Variants in GRIK1 observed in about 807,000 individuals in gnomAD.
GRIK1 encodes the protein glutamate ionotropic receptor kainate type subunit 1, also known as glutamate receptor ionotropic, kainate 1.
A neutral mutation model predicts 105.7 loss-of-function variants in GRIK1; 69 were observed. The observed-to-expected ratio is 0.65, with a 90% CI of 0.54 to 0.80. GRIK1 has a LOEUF of 0.80. Ranked by LOEUF, GRIK1 falls within the 30% of genes least tolerant of loss-of-function variation. The probability of loss-of-function intolerance (pLI) is 0.00; values close to 1 mark genes in which losing one functional copy is unlikely to be tolerated. For synonymous variants in GRIK1, 438 were observed against 431.3 expected (o/e 1.02, Z -0.19); for missense variants, 1,109 against 1,167.3 (o/e 0.95, Z 0.73).
At chr21:29,832,258 G>T (rs2067663756) in intron 1 of GRIK1, among the ~76,000 whole-genome samples, 1 of 152,162 alleles carries the variant, frequency 6.6e-6, no homozygotes, top group African/African-American at 2.4e-5. Context: ...GGCTTTTCCA[G>T]GTGTATAATG....
intron 1 of GRIK1, among the ~76,000 whole-genome samples, chr21:29,905,464 G>A (rs2070579026): frequency 6.7e-6 from 1 of 150,190 alleles, no homozygotes; most frequent in African/African-American, 2.4e-5. Context: ...TAATTTATTT[G>A]AGACACAGTT....
chr21:29,620,456 C>T (rs933063019), intron 7 of GRIK1, among the ~76,000 whole-genome samples: 3 of 152,128 alleles, frequency 2.0e-5, no homozygotes, highest in Admixed American at 6.5e-5. Flanking sequence ...TGGCTTGTTT[C>T]CACCATGGCC....
chr21:29,543,307 T>TTAGG (rs2089999867), intron 16 of GRIK1, among the ~76,000 whole-genome samples: 1 of 152,184 alleles, frequency 6.6e-6, no homozygotes, highest in Non-Finnish European at 1.5e-5. Flanking sequence ...AGAATTGTAT[T>TTAGG]TAGGGATTTG....
At position 29,543,817 on chromosome 21, in the gene GRIK1, G is replaced by A. The variant is rs1019444482; in HGVS notation, c.2608-5933C>T. On this transcript the variant is annotated intron_variant, in intron 16 of 17. Coordinates refer to ENST00000327783, the MANE Select transcript of GRIK1 (RefSeq NM_001330994.2). The stretch of plus-strand genomic sequence containing the variant: ...TCTCCACCTGTGACCCAGCAGCCAC[G>A]TCTTGCCTGGCCCGTTTTCTTGCAA... Among the ~76,000 whole-genome samples the A allele has an allele frequency of 6.6e-5, 10 of 152,288 alleles. No homozygotes were observed. In the South Asian group the frequency reaches 1.7e-3, roughly 25 times the overall value.
intron 1 of GRIK1, among the ~76,000 whole-genome samples, chr21:29,894,349 C>T (rs1221519827): frequency 6.6e-6 from 1 of 152,126 alleles, no homozygotes; most frequent in Non-Finnish European, 1.5e-5. Context: ...CCAAGAGCCC[C>T]TGGAAAACCA....
intron 14 of GRIK1, among the ~76,000 whole-genome samples, chr21:29,576,426 T>C (rs1354441089): frequency 6.6e-6 from 1 of 152,228 alleles, no homozygotes; most frequent in Non-Finnish European, 1.5e-5. Context: ...CCTTCATCAA[T>C]GCGGACTCAG....
At chr21:29,791,795 T>C (rs1485177932) in intron 1 of GRIK1, among the ~76,000 whole-genome samples, 1 of 152,164 alleles carries the variant, frequency 6.6e-6, no homozygotes, top group East Asian at 1.9e-4. Context: ...AGAACCAAGA[T>C]GAAATTTGCA....
At position 29,816,390 on chromosome 21, in the gene GRIK1, A is replaced by G. The variant is rs180982938; in HGVS notation, c.119-122327T>C. On this transcript the variant is annotated intron_variant, in intron 1 of 17. Transcript: ENST00000327783. ...AACCATTATAGAAAACAGTATAGCG[A>G]TTTCTCAACAAATTAAAAATAAAAA... Among the ~76,000 whole-genome samples, 493 of 152,146 alleles carry G rather than the reference A, an allele frequency of 3.2e-3. 5 individuals are homozygous for G. Among genetic ancestry groups the G allele is most frequent in the African/African-American group, 0.011 (464 of 41,548 alleles).
chr21:29,635,518 C>T (rs769471083), intron 7 of GRIK1, among the ~76,000 whole-genome samples: 27 of 152,138 alleles, frequency 1.8e-4, no homozygotes, highest in Non-Finnish European at 2.5e-4. Flanking sequence ...AGGTTCACTG[C>T]AGCTGAAGAC....
intron 1 of GRIK1, among the ~76,000 whole-genome samples, chr21:29,883,147 G>T (rs901583984): frequency 1.3e-5 from 2 of 152,038 alleles, no homozygotes; most frequent in African/African-American, 2.4e-5. Flanking sequence ...ATATTTGGAA[G>T]GTAACTTAAC....
At chr21:29,800,724 A>T (rs570144150) in intron 1 of GRIK1, among the ~76,000 whole-genome samples, 2 of 152,362 alleles carry the variant, frequency 1.3e-5, no homozygotes, top group East Asian at 3.9e-4. Flanking sequence ...TGTAGAAAAC[A>T]CAAGAAAGTA....
intron 1 of GRIK1, among the ~76,000 whole-genome samples, chr21:29,871,392 A>C (rs2069007039): frequency 6.6e-6 from 1 of 152,152 alleles, no homozygotes; most frequent in Non-Finnish European, 1.5e-5. Flanking sequence ...TTCTCCACTT[A>C]CTTTATATGT....
chr21:29,888,888 G>T (rs937005397), intron 1 of GRIK1, among the ~76,000 whole-genome samples: 1 of 151,288 alleles, frequency 6.6e-6, no homozygotes, highest in Non-Finnish European at 1.5e-5. Flanking sequence ...TGGTTGTCCT[G>T]GCCTTCCATC....
At chr21:29,823,067 C>T (rs2067349228) in intron 1 of GRIK1, among the ~76,000 whole-genome samples, 1 of 151,916 alleles carries the variant, frequency 6.6e-6, no homozygotes, top group Non-Finnish European at 1.5e-5. Context: ...CTGCTAGTTT[C>T]CTTGCCAATA....
chr21:29,638,209 G>A (rs931043669), intron 7 of GRIK1, among the ~76,000 whole-genome samples: 6 of 151,936 alleles, frequency 3.9e-5, no homozygotes, highest in African/African-American at 1.2e-4. Context: ...GTTCTGCATG[G>A]CTGGGGAGGC....
chr21:29,871,837 C>T (rs963139636), intron 1 of GRIK1, among the ~76,000 whole-genome samples: 1 of 147,678 alleles, frequency 6.8e-6, no homozygotes, highest in African/African-American at 2.5e-5. Context: ...GATCTCAGCT[C>T]ACTGCAGCCT....
chr21:29,901,332 C>A (rs1182785528), intron 1 of GRIK1, among the ~76,000 whole-genome samples: 1 of 152,038 alleles, frequency 6.6e-6, no homozygotes, highest in Non-Finnish European at 1.5e-5. Flanking sequence ...ACACAAAATA[C>A]CCTTCAAAAA....
At chr21:29,620,793 C>CTATATATATATA (rs1421896438) in intron 7 of GRIK1, among the ~76,000 whole-genome samples, 21 of 121,530 alleles carry the variant, frequency 1.7e-4, no homozygotes, top group Non-Finnish European at 3.3e-4. Context: ...ATATATATAT[C>CTATATATATATA]TATATATATA....
chr21:29,817,436 T>C (rs1204413255), intron 1 of GRIK1, among the ~76,000 whole-genome samples: 2 of 152,264 alleles, frequency 1.3e-5, no homozygotes, highest in East Asian at 3.9e-4. Context: ...GTATGTATAA[T>C]GCATTATTGT....
Sources: gnomAD v4.1 joint callset for allele counts (sites outside exome capture counted in the v4.1 genomes callset) on GRCh38, gnomAD v4.1.1 for gene constraint, MANE v1.5 for transcripts, NCBI Gene and HGNC (gene_info 2026-07-23, HGNC 2026-07-21) for gene names.